Variants in CHUK observed in about 807,000 individuals in gnomAD.
CHUK encodes the protein inhibitor of nuclear factor kappa-B kinase subunit alpha.
In CHUK, 35 loss-of-function variants were observed where a neutral mutation model predicts 104.8. The observed-to-expected ratio is 0.33, with a 90% CI of 0.26 to 0.44. The LOEUF is 0.44. Ranked by LOEUF, CHUK falls within the 20% of genes least tolerant of loss-of-function variation. The pLI is 1.00. For missense variants in CHUK, 663 were observed against 902.7 expected, an observed-to-expected ratio of 0.73 and a Z score of 3.40; for synonymous variants, 276 against 291.9, an observed-to-expected ratio of 0.95 and a Z score of 0.56.
In CHUK at chr10:100,229,504, C is replaced by T; in HGVS notation, c.29G>A (p.Gly10Asp). 1 of 1,569,806 alleles carries T rather than the reference C, an allele frequency of 6.4e-7. No homozygotes were observed. Among genetic ancestry groups the T allele is most frequent in the Non-Finnish European group, 8.6e-7 (1 of 1,162,398 alleles). Residue 10 changes from glycine to aspartate, a missense_variant, in exon 1 of 21, where the codon GGC becomes GAC. Coordinates refer to ENST00000370397, the MANE Select transcript of CHUK (RefSeq NM_001278.5). ...CCGCATCTCCCAGGGCCCGCCCGCG[C>T]CCGGCCGCAGCCCCGGGGGCCGCTC... MERPPGLRPGAGGPWEMRER... is the reference protein window; with the variant it reads MERPPGLRPDAGGPWEMRER...
chr10:100,226,577 G>T (rs1846111186), intron 1 of CHUK, among the ~76,000 whole-genome samples: 1 of 152,160 alleles, frequency 6.6e-6, no homozygotes, highest in African/African-American at 2.4e-5. Flanking sequence ...TCTTGCCTGT[G>T]ACTAGTAATT....
intron 8 of CHUK, 71 bp downstream of exon 8, chr10:100,218,633 GCAACTTGAAACAGA>G (rs921297427): frequency 1.0e-5 from 9 of 890,968 alleles, no homozygotes; most frequent in Middle Eastern, 4.2e-4. Context: ...ACTGGATAAT[GCAACTTGAAACAGA>G]CAACTACTCT....
At position 100,194,143 on chromosome 10, in the gene CHUK, A is replaced by T; in HGVS notation, c.1827-12T>A. 6.2e-7 allele frequency: 1 copy of T among 1,612,958 alleles called. No homozygotes were observed. Among genetic ancestry groups the T allele is most frequent in the Non-Finnish European group, 8.5e-7 (1 of 1,179,872 alleles). ...AGCCCAACAACTTGCTGGAGAGATT[A>T]AATCAGTGTCAGACACTTTCACATG... On this transcript the variant is annotated splice_polypyrimidine_tract_variant and intron_variant, in intron 17 of 20. Coordinates refer to ENST00000370397, the MANE Select transcript of CHUK (RefSeq NM_001278.5).
chr10:100,222,778 T>C lies in CHUK; in HGVS notation c.315+88A>G, dbSNP rs1044260347. ...GGAAGCAGACCATAGTTTTTCCGAT[T>C]CTTATTCTAGTTTATTATATTTAAC... On this transcript the variant is annotated intron_variant, in intron 3 of 20. Transcript: ENST00000370397. 7.9e-6 allele frequency: 6 copies of C among 755,112 alleles called. No individual in the cohort carries two copies. The African/African-American group carries it at 1.0e-4, about 13-fold the overall frequency. 46.8% of individuals were successfully genotyped at this position (755,112 alleles called of 1,614,324 possible).
intron 9 of CHUK, among the ~76,000 whole-genome samples, chr10:100,216,894 A>G (rs1180314888): frequency 6.6e-6 from 1 of 152,198 alleles, no homozygotes; most frequent in Non-Finnish European, 1.5e-5. Flanking sequence ...GGTGATTGTT[A>G]ATAAAAGAAG....
At chr10:100,227,201 A>T (rs1304270371) in intron 1 of CHUK, among the ~76,000 whole-genome samples, 1 of 152,078 alleles carries the variant, frequency 6.6e-6, no homozygotes, top group East Asian at 1.9e-4. Flanking sequence ...TATTTCATCA[A>T]CTCTGTGAAA....
chr10:100,207,886 T>C (rs981260606), intron 10 of CHUK, among the ~76,000 whole-genome samples: 2 of 152,052 alleles, frequency 1.3e-5, no homozygotes, highest in African/African-American at 4.8e-5. Flanking sequence ...TAATTGAGCA[T>C]CAAGTCAGTG....
At chr10:100,187,952 G>A (rs1455285866), downstream of CHUK, 1 of 152,090 alleles carries the variant, frequency 6.6e-6, no homozygotes, top group Non-Finnish European at 1.5e-5. Flanking sequence ...TACCCTCCAA[G>A]TAACAGGTAC....
chr10:100,224,470 G>A (rs1488524377), intron 2 of CHUK, among the ~76,000 whole-genome samples: 7 of 151,996 alleles, frequency 4.6e-5, no homozygotes, highest in Admixed American at 2.0e-4. Flanking sequence ...ATTTAGAGAC[G>A]GAGTCGCCCA....
chr10:100,189,843 T>C (rs144442397), intron 20 of CHUK, among the ~76,000 whole-genome samples: 15 of 151,530 alleles, frequency 9.9e-5, no homozygotes, highest in African/African-American at 3.6e-4. Context: ...TCTTTTTTTT[T>C]TTTTTCTTAA....
Position 100,229,504 on chromosome 10 carries a change from C to A in CHUK, c.29G>T (p.Gly10Val). Reference protein sequence around the residue: MERPPGLRPGAGGPWEMRER... With the variant: MERPPGLRPVAGGPWEMRER... ...CCGCATCTCCCAGGGCCCGCCCGCG[C>A]CCGGCCGCAGCCCCGGGGGCCGCTC... Residue 10 changes from glycine to valine, a missense_variant, in exon 1 of 21, where the codon GGC becomes GTC. Coordinates refer to ENST00000370397, the MANE Select transcript of CHUK (RefSeq NM_001278.5). 1 of 1,569,806 alleles carries A rather than the reference C, an allele frequency of 6.4e-7. No individual in the cohort carries two copies. The highest frequency in any genetic ancestry group is 8.6e-7 in the Non-Finnish European group (1 of 1,162,398).
rs965266076 is a variant in CHUK at position 100,205,288 on chromosome 10, G to A, written c.1232-89C>T. 10 of 1,357,410 alleles carry A rather than the reference G, an allele frequency of 7.4e-6. No homozygotes were observed. In the Admixed American group the frequency reaches 1.0e-4, roughly 14 times the overall value. The allele number at this position is 1,357,410 out of a possible 1,614,324, so 84.1% of individuals were successfully genotyped here. ...GATTTATCATTCTTTGTGATTTCCT[G>A]TCCACACAAACAGGATTCCCATAGA... On this transcript the variant is annotated intron_variant, in intron 11 of 20. Transcript: ENST00000370397.
At chr10:100,215,331 A>G (rs1239444027) in intron 9 of CHUK, among the ~76,000 whole-genome samples, 1 of 152,260 alleles carries the variant, frequency 6.6e-6, no homozygotes, top group South Asian at 2.1e-4. Flanking sequence ...ACAGTTATAC[A>G]GCAGTTATAA....
At chr10:100,217,252 TAAA>T (rs60186341) in intron 9 of CHUK, among the ~76,000 whole-genome samples, 21 of 125,240 alleles carry the variant, frequency 1.7e-4, no homozygotes, top group African/African-American at 3.6e-4. Context: ...CTTGACTTGT[TAAA>T]AAAAAAAAAA....
intron 13 of CHUK, among the ~76,000 whole-genome samples, chr10:100,202,368 A>C (rs527761690): frequency 6.6e-6 from 1 of 152,314 alleles, no homozygotes; most frequent in Non-Finnish European, 1.5e-5. Flanking sequence ...CTCATACTGG[A>C]ATGGTCTGGG....
At position 100,194,054 on chromosome 10, in the gene CHUK, GCTT is replaced by G; in HGVS notation, c.1901_1903del (p.Glu634del). On this transcript the variant is annotated inframe_deletion, in exon 18 of 21. Coordinates refer to ENST00000370397, the MANE Select transcript of CHUK (RefSeq NM_001278.5). ...CTGCATGAACATGACAGTATTGTCA[GCTT>G]CTTTGATATTACTGAGGGCCACTTC... 1.2e-6 allele frequency: 2 copies of G among 1,613,264 alleles called. No individual in the cohort carries two copies. The highest frequency in any genetic ancestry group is 1.7e-6 in the Non-Finnish European group (2 of 1,179,352).
At chr10:100,217,655 T>C (rs1845888828) in intron 9 of CHUK, among the ~76,000 whole-genome samples, 1 of 152,226 alleles carries the variant, frequency 6.6e-6, no homozygotes, top group Non-Finnish European at 1.5e-5. Flanking sequence ...GGCGGGCAGA[T>C]CACCTGAGGT....
intron 16 of CHUK, among the ~76,000 whole-genome samples, chr10:100,198,853 C>T (rs1845396922): frequency 6.6e-6 from 1 of 151,924 alleles, no homozygotes; most frequent in Non-Finnish European, 1.5e-5. Context: ...AAGTATAATG[C>T]ACATTAGGGC....
intron 14 of CHUK, among the ~76,000 whole-genome samples, chr10:100,201,839 T>A (rs1845470391): frequency 6.6e-6 from 1 of 152,102 alleles, no homozygotes; most frequent in Admixed American, 6.5e-5. Context: ...GGCAACAGAG[T>A]GAGACCCTGT....
Sources: gnomAD v4.1 joint callset for allele counts (sites outside exome capture counted in the v4.1 genomes callset) on GRCh38, gnomAD v4.1.1 for gene constraint, MANE v1.5 for transcripts, NCBI Gene and HGNC (gene_info 2026-07-23, HGNC 2026-07-21) for gene names.